The following CHD6 variants were observed in gnomAD, a reference collection of about 807,000 sequenced individuals.
The protein encoded by CHD6 is ATP-dependent chromatin remodeler CHD6.
In CHD6, 50 loss-of-function variants were observed where a neutral mutation model predicts 276.9. That is an observed-to-expected ratio of 0.18 (90% CI 0.14 to 0.23). The LOEUF is 0.23. CHD6 is among the 10% of genes least tolerant of loss of function. The probability of loss-of-function intolerance (pLI) is 1.00; values close to 1 mark genes in which losing one functional copy is unlikely to be tolerated. For synonymous variants in CHD6, 1,173 were observed against 1,229.3 expected (o/e 0.95, Z 0.96); for missense variants, 2,564 against 3,365.8 (o/e 0.76, Z 5.89).
intron 1 of CHD6, among the ~76,000 whole-genome samples, chr20:41,598,393 G>A (rs2045740378): frequency 1.3e-5 from 2 of 152,092 alleles, no homozygotes; most frequent in South Asian, 4.1e-4. Flanking sequence ...ATTGAAACAG[G>A]GTACCAAGAT....
intron 1 of CHD6, among the ~76,000 whole-genome samples, chr20:41,587,111 TA>T (rs2045603902): frequency 6.6e-6 from 1 of 152,214 alleles, no homozygotes. Context: ...TATAATTTAA[TA>T]AGGTCATAGG....
chr20:41,473,357 A>G lies in CHD6; in HGVS notation c.2629T>C (p.Phe877Leu). 2 of 1,614,056 alleles carry G rather than the reference A, an allele frequency of 1.2e-6. No homozygotes were observed. Among genetic ancestry groups the G allele is most frequent in the Non-Finnish European group, 1.7e-6 (2 of 1,179,978 alleles). Residue 877 changes from phenylalanine (F) to leucine (L), a missense_variant, in exon 17 of 37, where the codon TTT (phenylalanine) becomes CTT (leucine). By Grantham distance (22) the Phe-to-Leu change is conservative (BLOSUM62 0). Coordinates refer to ENST00000373233, the MANE Select transcript of CHD6 (RefSeq NM_032221.5). This position sits in a 1 kb window ranked among gnomAD's most constrained non-coding sequence, Gnocchi z 4.1. ...NLTAADTCII[F>L]DSDWNPQNDL... Reference sequence around the variant, plus strand: ...TTTTGTGGGTTCCAGTCAGAATCAAATATGATGCAGGTATCAGCAGCTGTG... The same window carrying G: ...TTTTGTGGGTTCCAGTCAGAATCAAGTATGATGCAGGTATCAGCAGCTGTG...
chr20:41,584,286 T>C (rs1490312904), intron 1 of CHD6, among the ~76,000 whole-genome samples: 1 of 152,142 alleles, frequency 6.6e-6, no homozygotes, highest in Admixed American at 6.5e-5. Context: ...CGAAAAGATA[T>C]AACGATCCTT....
intron 1 of CHD6, among the ~76,000 whole-genome samples, chr20:41,565,229 G>A (rs2045342908): frequency 6.6e-6 from 1 of 151,814 alleles, no homozygotes; most frequent in Non-Finnish European, 1.5e-5. Context: ...CCGAGTAGCT[G>A]GGATTACAGG....
At chr20:41,555,697 A>G (rs77396479) in intron 1 of CHD6, among the ~76,000 whole-genome samples, 5 of 134,918 alleles carry the variant, frequency 3.7e-5, no homozygotes, top group African/African-American at 5.6e-5. Flanking sequence ...GACGATGGGC[A>G]GCCGGGCAGA....
At chr20:41,595,766 G>T (rs2045710759) in intron 1 of CHD6, among the ~76,000 whole-genome samples, 1 of 151,404 alleles carries the variant, frequency 6.6e-6, no homozygotes, top group African/African-American at 2.4e-5. Context: ...GTTTTATTTG[G>T]ACCAAAGAAC....
chr20:41,425,809 C>A (rs1452716159), intron 28 of CHD6, among the ~76,000 whole-genome samples: 7 of 150,598 alleles, frequency 4.6e-5, no homozygotes, highest in Non-Finnish European at 7.4e-5. Flanking sequence ...ACAAAAAAAA[C>A]AAAAAAAACC....
rs2047316814 is a variant in CHD6, at chr20:41,425,046, T to C, written c.4346+132A>G. ...TACCATCACAACTGAAGGCTGAATG[T>C]AATGAATTCTGGAGACAACCTAACT... On this transcript the variant is annotated intron_variant, in intron 29 of 36. Coordinates refer to ENST00000373233, the MANE Select transcript of CHD6 (RefSeq NM_032221.5). The C allele has an allele frequency of 8.8e-6, 6 of 684,868 alleles. No individual in the cohort carries two copies. In the South Asian group the frequency reaches 1.1e-4, roughly 13 times the overall value. The allele number at this position is 684,868 out of a possible 1,614,324, so 42.4% of individuals were successfully genotyped here.
At chr20:41,615,689 C>A in intron 1 of CHD6, among the ~76,000 whole-genome samples, 1 of 152,168 alleles carries the variant, frequency 6.6e-6, no homozygotes, top group Admixed American at 6.5e-5. Flanking sequence ...ATCTTTGAAT[C>A]CTTAAACTTG....
At chr20:41,538,531 C>T (rs1017789677) in intron 2 of CHD6, among the ~76,000 whole-genome samples, 7 of 151,956 alleles carry the variant, frequency 4.6e-5, no homozygotes, top group South Asian at 2.1e-4. Flanking sequence ...TTGGGGGTTA[C>T]GAAAATGTTC....
chr20:41,457,723 T>A (rs2048419567), intron 17 of CHD6, among the ~76,000 whole-genome samples: 2 of 152,226 alleles, frequency 1.3e-5, no homozygotes, highest in African/African-American at 4.8e-5. Flanking sequence ...AGGCAACTTG[T>A]GAGTGGCACA....
intron 19 of CHD6, among the ~76,000 whole-genome samples, chr20:41,455,169 A>G (rs2048344601): frequency 6.6e-6 from 1 of 152,204 alleles, no homozygotes; most frequent in South Asian, 2.1e-4. Flanking sequence ...GTTCACCCAT[A>G]TCCTCCTTAT....
chr20:41,419,511 C>A (rs113971172), intron 31 of CHD6, among the ~76,000 whole-genome samples: 7,707 of 128,248 alleles, frequency 0.06, 749 homozygotes, highest in African/African-American at 0.22. Context: ...GCTGAGATTG[C>A]GCCACTGCAC....
At position 41,585,965 on chromosome 20, in the gene CHD6, G is replaced by T. The variant is rs143288389; in HGVS notation, c.-24+32375C>A. 3.0e-4 allele frequency among the ~76,000 whole-genome samples: 45 copies of T among 152,278 alleles called. No homozygotes were observed. The East Asian group carries it at 8.5e-3, about 29-fold the overall frequency. On this transcript the variant is annotated intron_variant, in intron 1 of 36. Transcript: ENST00000373233. ...CTTTAAACACGGGGCTTATAACTCA[G>T]CTCACACCTGACCAATCAGGTAGTA...
At chr20:41,445,837 A>C (rs1834538173) in intron 24 of CHD6, 69 bp from the exon 25 acceptor site, 1 of 907,454 alleles carries the variant, frequency 1.1e-6, no homozygotes. Context: ...ATTAGGCCAC[A>C]GTCCTACTGG....
chr20:41,551,551 T>C (rs1296966108), intron 1 of CHD6, among the ~76,000 whole-genome samples, 191 bp from the exon 2 acceptor site: 2 of 152,220 alleles, frequency 1.3e-5, no homozygotes, highest in African/African-American at 4.8e-5. Flanking sequence ...CCCTAATTTA[T>C]TGCACCCAAT....
rs1350964256 is a variant in CHD6, at chr20:41,483,267, A to G, written c.2468+42T>C. On this transcript the variant is annotated intron_variant, in intron 16 of 36. Coordinates refer to ENST00000373233, the MANE Select transcript of CHD6 (RefSeq NM_032221.5). The stretch of plus-strand genomic sequence containing the variant: ...ATCAAAAAAATATCAAAGGAAAGGA[A>G]CTGTCCCATTGTTGAATGCAGAGCT... 3 of 1,511,006 alleles carry G rather than the reference A, an allele frequency of 2.0e-6. No homozygotes were observed. In the Admixed American group the frequency reaches 6.5e-5, roughly 33 times the overall value. The allele number at this position is 1,511,006 out of a possible 1,614,324, so 93.6% of individuals were successfully genotyped here.
rs1341593691 is a variant in CHD6, at chr20:41,423,486, T to C, written c.4555+6A>G. 1.2e-6 allele frequency: 2 copies of C among 1,613,030 alleles called. No individual in the cohort carries two copies. The highest frequency in any genetic ancestry group is 2.2e-5 in the East Asian group (1 of 44,876). On this transcript the variant is annotated splice_donor_region_variant and intron_variant, in intron 30 of 36. Coordinates refer to ENST00000373233, the MANE Select transcript of CHD6 (RefSeq NM_032221.5). ...TCATCTGACAATATACTGATAGTTT[T>C]CTCACCGCCATCTTTCCATGTGGGT...
chr20:41,567,939 A>T (rs1285360342), intron 1 of CHD6, among the ~76,000 whole-genome samples: 1 of 152,186 alleles, frequency 6.6e-6, no homozygotes, highest in East Asian at 1.9e-4. Flanking sequence ...GAGTGACTGG[A>T]TGGAGACAAA....
Sources: allele counts gnomAD v4.1 joint callset (sites outside exome capture counted in the v4.1 genomes callset), GRCh38; gene constraint gnomAD v4.1.1; non-coding constraint Gnocchi (gnomAD v3.1); transcripts MANE v1.5; gene names NCBI Gene and HGNC (gene_info 2026-07-23, HGNC 2026-07-21).